COMMD10: variants seen among roughly 807,000 people sequenced by gnomAD.
COMMD10 encodes COMM domain containing 10, also known as COMM domain-containing protein 10.
A neutral mutation model predicts 28.9 loss-of-function variants in COMMD10; 33 were observed. The ratio of observed to expected loss-of-function variants is 1.14; its 90% CI spans 0.87 to 1.53. COMMD10 has a LOEUF of 1.53. Among genes scored for constraint, COMMD10 ranks in the 40% most tolerant of loss-of-function variants. The pLI, the probability that COMMD10 is intolerant of heterozygous loss-of-function variation, is 0.00. For missense variants in COMMD10, 310 were observed against 233.4 expected (o/e 1.33, Z -2.14); for synonymous variants, 110 against 81.7 (o/e 1.35, Z -1.87).
chr5:116,230,977 G>A (rs1368231834), intron 5 of COMMD10, among the ~76,000 whole-genome samples: 1 of 152,124 alleles, frequency 6.6e-6, no homozygotes, highest in African/African-American at 2.4e-5. Context: ...TCTTAATTGT[G>A]GGGAGTGGGG....
chr5:116,257,973 C>T (rs1310555193), intron 5 of COMMD10, among the ~76,000 whole-genome samples: 1 of 151,644 alleles, frequency 6.6e-6, no homozygotes, highest in Non-Finnish European at 1.5e-5. Flanking sequence ...TCAAGGCTAA[C>T]TATAATCATT....
At chr5:116,235,329 G>C (rs1749632368) in intron 5 of COMMD10, among the ~76,000 whole-genome samples, 2 of 152,152 alleles carry the variant, frequency 1.3e-5, no homozygotes, top group African/African-American at 4.8e-5. Flanking sequence ...CAAATTGTAG[G>C]CATGTTGCTT....
chr5:116,114,379 C>T (rs1751160434), intron 4 of COMMD10, among the ~76,000 whole-genome samples: 1 of 152,148 alleles, frequency 6.6e-6, no homozygotes, highest in African/African-American at 2.4e-5. Context: ...AGATGCTCTC[C>T]CCAGTGCCCT....
At chr5:116,105,888 G>A (rs1580448579) in intron 4 of COMMD10, among the ~76,000 whole-genome samples, 1 of 151,616 alleles carries the variant, frequency 6.6e-6, no homozygotes, top group East Asian at 1.9e-4. Context: ...TGTGTATTTT[G>A]TTGAGCTTTT....
chr5:116,189,113 G>A (rs1196395358), intron 5 of COMMD10, among the ~76,000 whole-genome samples: 2 of 152,134 alleles, frequency 1.3e-5, no homozygotes, highest in Non-Finnish European at 2.9e-5. Flanking sequence ...AGCCAAAGTG[G>A]GGCAGATAGT....
intron 5 of COMMD10, among the ~76,000 whole-genome samples, chr5:116,288,315 T>C (rs1206298316): frequency 6.6e-6 from 1 of 151,892 alleles, no homozygotes; most frequent in East Asian, 1.9e-4. Context: ...AATTTGCTGA[T>C]AATATTATGG....
chr5:116,188,111 A>T (rs1013882825), intron 5 of COMMD10, among the ~76,000 whole-genome samples: 2 of 152,182 alleles, frequency 1.3e-5, no homozygotes, highest in African/African-American at 4.8e-5. Context: ...CTAGATGAAC[A>T]TTGGTACCTA....
intron 4 of COMMD10, among the ~76,000 whole-genome samples, chr5:116,123,698 C>G (rs1005591605): frequency 4.6e-5 from 7 of 152,080 alleles, no homozygotes; most frequent in African/African-American, 1.7e-4. Context: ...CTGTCTGGTC[C>G]TTGGCTTTTT....
At position 116,270,790 on chromosome 5, in the gene COMMD10, A is replaced by G. The variant is rs546917115; in HGVS notation, c.511-20727A>G. Among the ~76,000 whole-genome samples, 3 of 151,764 alleles carry G rather than the reference A, an allele frequency of 2.0e-5. No homozygotes were observed. In the South Asian group the frequency reaches 6.2e-4, roughly 32 times the overall value. On this transcript the variant is annotated intron_variant, in intron 5 of 6. Transcript: ENST00000274458. Reference sequence around the variant, plus strand: ...CATCTCTACTGAATACAGAAGAATTAGTTGGGCTTGATGGTGCATACCTGT... The same window carrying G: ...CATCTCTACTGAATACAGAAGAATTGGTTGGGCTTGATGGTGCATACCTGT...
intron 4 of COMMD10, among the ~76,000 whole-genome samples, chr5:116,123,348 T>C (rs892817275): frequency 6.6e-6 from 1 of 152,176 alleles, no homozygotes; most frequent in Admixed American, 6.6e-5. Context: ...TGTTGTTGTT[T>C]CTATTTATGT....
chr5:116,148,373 C>T (rs573452139), intron 5 of COMMD10, among the ~76,000 whole-genome samples: 1 of 151,934 alleles, frequency 6.6e-6, no homozygotes, highest in South Asian at 2.1e-4. Flanking sequence ...CTCTTGGCTT[C>T]TTCTTTATGA....
intron 5 of COMMD10, among the ~76,000 whole-genome samples, chr5:116,281,420 CTTTCT>C (rs1184975675): frequency 1.3e-5 from 2 of 151,676 alleles, no homozygotes; most frequent in Non-Finnish European, 2.9e-5. Context: ...ACAAACACAT[CTTTCT>C]TTTCTTTTAA....
chr5:116,092,290 G>A (rs964470548), intron 3 of COMMD10, among the ~76,000 whole-genome samples: 2 of 151,960 alleles, frequency 1.3e-5, no homozygotes, highest in African/African-American at 4.8e-5. Context: ...GTTTTTAAGT[G>A]GATTTAGGAT....
intron 5 of COMMD10, among the ~76,000 whole-genome samples, chr5:116,223,848 C>T (rs976814449): frequency 6.6e-6 from 1 of 152,140 alleles, no homozygotes; most frequent in African/African-American, 2.4e-5. Context: ...TAAAATAAGG[C>T]ACTCAACATA....
At chr5:116,239,016 A>T (rs183056328) in intron 5 of COMMD10, among the ~76,000 whole-genome samples, 1 of 151,752 alleles carries the variant, frequency 6.6e-6, no homozygotes, top group Admixed American at 6.6e-5. Context: ...CAACAAGTTG[A>T]TTTTTTTTTA....
intron 5 of COMMD10, among the ~76,000 whole-genome samples, chr5:116,272,318 A>T (rs566427697): frequency 6.6e-6 from 1 of 152,008 alleles, no homozygotes; most frequent in East Asian, 1.9e-4. Flanking sequence ...GGGATGCTTA[A>T]TGGCTTCCTA....
chr5:116,291,690 T>G, intron 6 of COMMD10, 114 bp downstream of exon 6: 1 of 589,378 alleles, frequency 1.7e-6, no homozygotes, highest in Non-Finnish European at 2.9e-6. Flanking sequence ...TTCTTTAAAC[T>G]TCCCTTATAA....
chr5:116,268,519 C>T (rs1750664885), intron 5 of COMMD10, among the ~76,000 whole-genome samples: 1 of 151,868 alleles, frequency 6.6e-6, no homozygotes, highest in African/African-American at 2.4e-5. Flanking sequence ...TAAACTAGTT[C>T]AACCATTGTG....
intron 5 of COMMD10, among the ~76,000 whole-genome samples, chr5:116,238,216 G>A (rs918853308): frequency 1.3e-5 from 2 of 152,134 alleles, no homozygotes; most frequent in South Asian, 4.1e-4. Flanking sequence ...ATTATTTGTA[G>A]CCACTATAAT....
Sources: gnomAD v4.1 joint callset for allele counts (sites outside exome capture counted in the v4.1 genomes callset) on GRCh38, gnomAD v4.1.1 for gene constraint, MANE v1.5 for transcripts, NCBI Gene and HGNC (gene_info 2026-07-23, HGNC 2026-07-21) for gene names.